EPS15: variants seen among roughly 807,000 people sequenced by gnomAD.
EPS15 encodes the protein epidermal growth factor receptor substrate 15.
A neutral mutation model predicts 113.8 loss-of-function variants in EPS15; 72 were observed. The observed-to-expected ratio is 0.63, with a 90% CI of 0.52 to 0.77. The LOEUF is 0.77. EPS15 is among the 30% of genes least tolerant of loss of function. EPS15 has a pLI of 0.00. For synonymous variants in EPS15, 344 were observed against 363.4 expected (o/e 0.95, Z 0.61); for missense variants, 1,048 against 1,045.8 (o/e 1.00, Z -0.03).
intron 8 of EPS15, among the ~76,000 whole-genome samples, chr1:51,460,380 G>A (rs1351939244): frequency 1.3e-5 from 2 of 152,116 alleles, no homozygotes; most frequent in African/African-American, 4.8e-5. Flanking sequence ...AAACTTTTCT[G>A]CCTTCATAAA....
At chr1:51,374,420 CA>C (rs1245689095) in intron 21 of EPS15, among the ~76,000 whole-genome samples, 1 of 152,084 alleles carries the variant, frequency 6.6e-6, no homozygotes, top group Non-Finnish European at 1.5e-5. Context: ...GCTTCGAGAC[CA>C]GCCTGGCCAA....
At chr1:51,479,152 G>C (rs1014929516) in intron 2 of EPS15, among the ~76,000 whole-genome samples, 1 of 152,010 alleles carries the variant, frequency 6.6e-6, no homozygotes, top group Admixed American at 6.6e-5. Flanking sequence ...GGCTTTGTTC[G>C]TTTCCTTTTA....
At chr1:51,357,852 G>C (rs1423563321) in intron 24 of EPS15, among the ~76,000 whole-genome samples, 2 of 150,304 alleles carry the variant, frequency 1.3e-5, no homozygotes, top group South Asian at 4.2e-4. Context: ...CGATTCTCTT[G>C]CCTCAGCCTC....
chr1:51,485,900 C>T (rs571724379), intron 1 of EPS15, among the ~76,000 whole-genome samples: 6 of 152,110 alleles, frequency 3.9e-5, no homozygotes, highest in East Asian at 2.0e-4. Context: ...CAGGTTCAAG[C>T]GATTCTCATG....
chr1:51,386,199 T>C (rs1647067680), intron 21 of EPS15, among the ~76,000 whole-genome samples: 1 of 152,224 alleles, frequency 6.6e-6, no homozygotes, highest in African/African-American at 2.4e-5. Context: ...TCTTGGGTTA[T>C]ATCAGTGAAA....
At position 51,364,079 on chromosome 1, in the gene EPS15, T is replaced by C. The variant is rs2148348662; in HGVS notation, c.2197-51A>G. ...CATGGCTATACCAAGCAAATTGTGG[T>C]AGTCATGTAGCATTCAGAATAATGA... On this transcript the variant is annotated intron_variant, in intron 22 of 24. Transcript: ENST00000371733. The C allele has an allele frequency of 2.2e-6, 3 of 1,335,108 alleles. No homozygotes were observed. The East Asian group carries it at 7.2e-5, about 32-fold the overall frequency. 82.7% of individuals were successfully genotyped at this position (1,335,108 alleles called of 1,614,324 possible). A position where few individuals can be genotyped will look rare whatever the true frequency, so the allele number is the denominator to read the frequency against.
At chr1:51,402,101 C>T (rs1648616616) in intron 18 of EPS15, among the ~76,000 whole-genome samples, 1 of 152,216 alleles carries the variant, frequency 6.6e-6, no homozygotes, top group African/African-American at 2.4e-5. Context: ...TGTGCCACTG[C>T]ACTCCAGCCT....
At position 51,378,813 on chromosome 1, in the gene EPS15, G is replaced by C. The variant is rs1205105732; in HGVS notation, c.2120-12784C>G. On this transcript the variant is annotated intron_variant, in intron 21 of 24. Coordinates refer to ENST00000371733, the MANE Select transcript of EPS15 (RefSeq NM_001981.3). ...GGTAATATGAAATTCTGGCCCACAG[G>C]ATGTCTAAGGTTTCTTCCAGCTCTA... 2.0e-5 allele frequency among the ~76,000 whole-genome samples: 3 copies of C among 152,082 alleles called. 1 individual carries two copies. Among genetic ancestry groups the C allele is most frequent in the Non-Finnish European group, 4.4e-5 (3 of 68,032 alleles).
intron 15 of EPS15, among the ~76,000 whole-genome samples, chr1:51,407,697 T>C (rs1161320844): frequency 6.6e-6 from 1 of 152,248 alleles, no homozygotes; most frequent in African/African-American, 2.4e-5. Context: ...AACTAGGTTA[T>C]TGTTTATAAA....
intron 1 of EPS15, 26 bp downstream of exon 1, chr1:51,519,173 C>T: frequency 1.4e-6 from 2 of 1,434,392 alleles, no homozygotes; most frequent in Non-Finnish European, 1.8e-6. Context: ...GCCGGCCAAG[C>T]CCGGCGGACG....
chr1:51,378,944 C>T (rs1295062466), intron 21 of EPS15, among the ~76,000 whole-genome samples: 1 of 152,116 alleles, frequency 6.6e-6, no homozygotes, highest in African/African-American at 2.4e-5. Context: ...CCAAAACTCC[C>T]CAACTTTGAG....
chr1:51,423,530 C>T (rs72696107), intron 12 of EPS15: 3 of 985,214 alleles, frequency 3.0e-6, no homozygotes, highest in Admixed American at 6.2e-5. Flanking sequence ...ACCCTCCCCC[C>T]ATCCCAAATC....
chr1:51,473,595 CA>C (rs1405297848), intron 2 of EPS15, among the ~76,000 whole-genome samples: 2 of 151,320 alleles, frequency 1.3e-5, no homozygotes, highest in Non-Finnish European at 3.0e-5. Context: ...AACAAACAAA[CA>C]AACAACAACA....
In EPS15 at chr1:51,409,684, C is replaced by G. The variant is rs1410663582; in HGVS notation, c.1126G>C (p.Glu376Gln). 7.5e-6 allele frequency: 12 copies of G among 1,606,634 alleles called. No individual in the cohort carries two copies. The East Asian group carries it at 2.7e-4, about 36-fold the overall frequency. ...AGATTAGTATTCTCCCTTTGAACTTCATCTTGAAGATCCTAAAATCCAAGA... is the reference window on the plus strand; with the variant it reads ...AGATTAGTATTCTCCCTTTGAACTTGATCTTGAAGATCCTAAAATCCAAGA... ...RTSEVQDLQD[E>Q]VQRENTNLQK... The change falls in exon 14 of 25, where the codon GAA becomes CAA. Residue 376 changes from glutamate to glutamine, a missense_variant. Physicochemically the swap from Glu to Gln is conservative, Grantham distance 29 (BLOSUM62 2). Coordinates refer to ENST00000371733, the MANE Select transcript of EPS15 (RefSeq NM_001981.3).
At chr1:51,518,155 G>A (rs1644760442) in intron 1 of EPS15, among the ~76,000 whole-genome samples, 1 of 152,166 alleles carries the variant, frequency 6.6e-6, no homozygotes, top group Admixed American at 6.5e-5. Context: ...GAGCAGGAAG[G>A]AACTGGCAGG....
At chr1:51,384,296 T>C (rs1056409144) in intron 21 of EPS15, among the ~76,000 whole-genome samples, 2 of 117,414 alleles carry the variant, frequency 1.7e-5, no homozygotes, top group East Asian at 7.0e-4. Flanking sequence ...TTTTCTTTCT[T>C]TCTTTTTTTT....
At chr1:51,423,386 G>A (rs947849647) in intron 12 of EPS15, 17 of 1,082,650 alleles carry the variant, frequency 1.6e-5, no homozygotes, top group South Asian at 2.4e-5. Flanking sequence ...CAAAAACACG[G>A]GGAAAAATTT....
intron 12 of EPS15, among the ~76,000 whole-genome samples, chr1:51,422,300 T>A (rs1650831760): frequency 6.6e-6 from 1 of 152,130 alleles, no homozygotes; most frequent in Non-Finnish European, 1.5e-5. Flanking sequence ...GAAAAAGACA[T>A]TTACTGAAGT....
chr1:51,490,513 C>A (rs1644212431), intron 1 of EPS15, among the ~76,000 whole-genome samples: 1 of 144,224 alleles, frequency 6.9e-6, no homozygotes, highest in African/African-American at 2.6e-5. Context: ...TGCAGTGAGC[C>A]GAGATCATGC....
Sources: gnomAD v4.1 joint callset for allele counts (sites outside exome capture counted in the v4.1 genomes callset) on GRCh38, gnomAD v4.1.1 for gene constraint, MANE v1.5 for transcripts, NCBI Gene and HGNC (gene_info 2026-07-23, HGNC 2026-07-21) for gene names.